The following NMT2 variants were observed in gnomAD, a reference collection of about 807,000 sequenced individuals.
NMT2 encodes the protein glycylpeptide N-tetradecanoyltransferase 2.
NMT2 carries 35 observed loss-of-function variants against 65.4 expected under a neutral mutation model. That is an observed-to-expected ratio of 0.54 (90% CI 0.41 to 0.71). The LOEUF is 0.71. Ranked by LOEUF, NMT2 falls within the 30% of genes least tolerant of loss-of-function variation. The pLI, the probability that NMT2 is intolerant of heterozygous loss-of-function variation, is 0.00. For missense variants in NMT2, 489 were observed against 611.3 expected (o/e 0.80, Z 2.11); for synonymous variants, 226 against 231.8 (o/e 0.98, Z 0.23).
intron 9 of NMT2, among the ~76,000 whole-genome samples, chr10:15,113,169 T>C (rs777595412): frequency 1.4e-4 from 21 of 151,990 alleles, no homozygotes; most frequent in Non-Finnish European, 2.4e-4. Flanking sequence ...TAAGTGCCCA[T>C]TGGTGATTTG....
chr10:15,110,142 G>A (rs1022638958), intron 10 of NMT2, among the ~76,000 whole-genome samples: 8 of 152,028 alleles, frequency 5.3e-5, no homozygotes, highest in Non-Finnish European at 1.0e-4. Context: ...ATGTGGTGGC[G>A]CACACCTGCA....
intron 6 of NMT2, among the ~76,000 whole-genome samples, chr10:15,130,703 C>CAAAAAAAAAAAAAAAA (rs974360507): frequency 3.5e-4 from 10 of 28,606 alleles, no homozygotes; most frequent in East Asian, 2.7e-3. Flanking sequence ...GGCCCTGTCT[C>CAAAAAAAAAAAAAAAA]AAAAAAAAAA....
At chr10:15,115,254 T>C in intron 9 of NMT2, among the ~76,000 whole-genome samples, 1 of 152,294 alleles carries the variant, frequency 6.6e-6, no homozygotes, top group African/African-American at 2.4e-5. Context: ...TAATCAGTGT[T>C]ACAAATCATA....
intron 2 of NMT2, among the ~76,000 whole-genome samples, chr10:15,137,067 A>T (rs1369914743): frequency 1.3e-5 from 2 of 152,204 alleles, no homozygotes; most frequent in African/African-American, 2.4e-5. Context: ...CACAGGGTGG[A>T]CACCATTGAA....
chr10:15,145,568 C>T (rs558589431), intron 1 of NMT2, among the ~76,000 whole-genome samples: 7 of 152,176 alleles, frequency 4.6e-5, no homozygotes, highest in African/African-American at 1.2e-4. Flanking sequence ...TTAGTAAAGA[C>T]GGGGTTTCGC....
intron 8 of NMT2, among the ~76,000 whole-genome samples, chr10:15,127,583 T>TA (rs1564568508): frequency 0.077 from 4,884 of 63,040 alleles, 825 homozygotes; most frequent in African/African-American, 0.44. Context: ...AATAAATAAA[T>TA]AAATAAATAA....
chr10:15,115,990 G>A (rs1327315710), intron 9 of NMT2, among the ~76,000 whole-genome samples: 2 of 152,162 alleles, frequency 1.3e-5, no homozygotes, highest in Non-Finnish European at 2.9e-5. Flanking sequence ...TACAGCTGGG[G>A]ACTTCCATGC....
intron 5 of NMT2, 42 bp downstream of exon 5, chr10:15,133,011 C>A: frequency 6.3e-7 from 1 of 1,598,926 alleles, no homozygotes; most frequent in South Asian, 1.1e-5. Flanking sequence ...GTCCCCAAGT[C>A]AGCAGCGCCT....
chr10:15,106,602 CAG>C lies in NMT2; in HGVS notation c.*2591_*2592del. 1.0e-6 allele frequency: 1 copy of C among 983,132 alleles called. No individual in the cohort carries two copies. Among genetic ancestry groups the C allele is most frequent in the African/African-American group, 1.7e-5 (1 of 57,290 alleles). 60.9% of individuals were successfully genotyped at this position (983,132 alleles called of 1,614,324 possible). On this transcript the variant is annotated 3_prime_UTR_variant, in exon 12 of 12. Transcript: ENST00000378165. ...CCCAGTCGCCCTCTGGTGGTAGTCT[CAG>C]GGATGTCACAGCTGTGGGTTGGTCT...
intron 2 of NMT2, chr10:15,138,504 C>A: frequency 2.1e-6 from 1 of 470,874 alleles, no homozygotes; most frequent in Non-Finnish European, 4.4e-6. Context: ...TAACTTCCCA[C>A]GATTCCACTC....
intron 1 of NMT2, among the ~76,000 whole-genome samples, chr10:15,165,695 T>C (rs939118043): frequency 2.2e-4 from 33 of 152,052 alleles, no homozygotes; most frequent in African/African-American, 8.0e-4. Flanking sequence ...CTGGCAAACA[T>C]GGTGAAACCC....
intron 1 of NMT2, among the ~76,000 whole-genome samples, chr10:15,143,827 C>T (rs931257319): frequency 1.1e-4 from 17 of 152,184 alleles, no homozygotes; most frequent in African/African-American, 4.1e-4. Flanking sequence ...TGCACTCCAG[C>T]CTGGGCAACA....
chr10:15,140,976 G>A (rs879209671), intron 2 of NMT2: 30 of 1,549,992 alleles, frequency 1.9e-5, no homozygotes, highest in South Asian at 1.4e-4. Flanking sequence ...CAAAGTCAAC[G>A]AGAGACTTAC....
intron 2 of NMT2, chr10:15,139,684 C>T (rs1414583724): frequency 1.3e-5 from 2 of 151,504 alleles, no homozygotes; most frequent in Non-Finnish European, 2.9e-5. Flanking sequence ...TCTTCTCACC[C>T]TGCAGTCAGT....
chr10:15,127,539 T>C (rs1432534006), intron 8 of NMT2, among the ~76,000 whole-genome samples: 1 of 67,100 alleles, frequency 1.5e-5, no homozygotes, highest in African/African-American at 6.2e-5. Flanking sequence ...AGAGTGAGAC[T>C]CCGTCTCAAA....
intron 8 of NMT2, among the ~76,000 whole-genome samples, chr10:15,120,978 G>C (rs56375835): frequency 0.015 from 2,212 of 152,238 alleles, 44 homozygotes; most frequent in African/African-American, 0.05. Flanking sequence ...TAAAAGTCAG[G>C]ACAGGTCCCC....
intron 3 of NMT2, 67 bp downstream of exon 3, chr10:15,135,192 TTTGTTGTTGTTGTTG>T (rs574625256): frequency 5.6e-6 from 7 of 1,247,802 alleles, no homozygotes; most frequent in Admixed American, 5.4e-5. Context: ...CTCTTTGTGT[TTTGTTGTTGTTGTTG>T]TTGTTGTTGT....
intron 6 of NMT2, 79 bp downstream of exon 6, chr10:15,132,738 A>G (rs1589319288): frequency 9.2e-7 from 1 of 1,084,836 alleles, no homozygotes; most frequent in East Asian, 2.4e-5. Flanking sequence ...TGCATTCAGT[A>G]ACTTTTAAAG....
At chr10:15,141,351 C>T (rs539665805) in intron 2 of NMT2, 71 bp downstream of exon 2, 57 of 1,557,938 alleles carry the variant, frequency 3.7e-5, no homozygotes, top group African/African-American at 2.7e-4. Flanking sequence ...GATGCAGCAG[C>T]GCGCTAAACT....
Sources: gnomAD v4.1 joint callset for allele counts (sites outside exome capture counted in the v4.1 genomes callset) on GRCh38, gnomAD v4.1.1 for gene constraint, MANE v1.5 for transcripts, NCBI Gene and HGNC (gene_info 2026-07-23, HGNC 2026-07-21) for gene names.